GPR158: variants seen among roughly 807,000 people sequenced by gnomAD.
The protein encoded by GPR158 is metabotropic glycine receptor.
GPR158 carries 30 observed loss-of-function variants against 78.2 expected under a neutral mutation model. The observed-to-expected ratio is 0.38, with a 90% CI of 0.29 to 0.52. The LOEUF (loss-of-function observed/expected upper bound fraction) is 0.52. Among genes scored for constraint, GPR158 ranks in the 20% least tolerant of loss-of-function variants. The pLI is 0.83. For synonymous variants in GPR158, 581 were observed against 591.1 expected, an observed-to-expected ratio of 0.98 and a Z score of 0.25; for missense variants, 1,463 against 1,523.5, an observed-to-expected ratio of 0.96 and a Z score of 0.66.
chr10:25,456,735 T>C (rs1199051593), intron 4 of GPR158, among the ~76,000 whole-genome samples: 2 of 152,202 alleles, frequency 1.3e-5, no homozygotes, highest in African/African-American at 4.8e-5. Flanking sequence ...TGAAGTCTAT[T>C]GAACTTCTCT....
At chr10:25,200,268 T>C (rs1321179267) in intron 1 of GPR158, among the ~76,000 whole-genome samples, 1 of 152,210 alleles carries the variant, frequency 6.6e-6, no homozygotes, top group African/African-American at 2.4e-5. Context: ...TGATTAGCGA[T>C]GTTGAGCATT....
intron 3 of GPR158, among the ~76,000 whole-genome samples, chr10:25,404,812 C>G (rs891913193): frequency 2.6e-5 from 4 of 152,050 alleles, no homozygotes; most frequent in African/African-American, 9.7e-5. Flanking sequence ...AAGAAAATCA[C>G]AATGGCATGT....
intron 7 of GPR158, among the ~76,000 whole-genome samples, chr10:25,576,160 A>C (rs888055038): frequency 6.6e-6 from 1 of 152,032 alleles, no homozygotes; most frequent in Non-Finnish European, 1.5e-5. Context: ...CACCCAAGGG[A>C]GTGTACATTG....
At chr10:25,353,668 G>C (rs2130522837) in intron 2 of GPR158, among the ~76,000 whole-genome samples, 1 of 152,156 alleles carries the variant, frequency 6.6e-6, no homozygotes, top group South Asian at 2.1e-4. Flanking sequence ...TTAAAACAGT[G>C]ATTTACCAGT....
At chr10:25,195,447 C>G (rs1373540004) in intron 1 of GPR158, among the ~76,000 whole-genome samples, 2 of 152,140 alleles carry the variant, frequency 1.3e-5, no homozygotes, top group Non-Finnish European at 2.9e-5. Flanking sequence ...CTCAGGTGAT[C>G]CACCCACCTT....
chr10:25,177,243 T>G (rs1344529878), intron 1 of GPR158, among the ~76,000 whole-genome samples: 3 of 152,176 alleles, frequency 2.0e-5, no homozygotes, highest in Non-Finnish European at 4.4e-5. Context: ...GCCTGGGAAG[T>G]GCCTGACCTT....
intron 2 of GPR158, among the ~76,000 whole-genome samples, chr10:25,384,889 C>T (rs746204579): frequency 8.5e-5 from 13 of 152,072 alleles, no homozygotes; most frequent in Non-Finnish European, 1.6e-4. Context: ...GATTGCAATA[C>T]GACCTTTAAT....
intron 2 of GPR158, among the ~76,000 whole-genome samples, chr10:25,283,995 ATTC>A (rs1184149611): frequency 1.3e-5 from 2 of 152,056 alleles, no homozygotes; most frequent in Non-Finnish European, 2.9e-5. Flanking sequence ...TGTGGTATGT[ATTC>A]TTCTTAATTT....
At chr10:25,246,069 A>G (rs1357356362) in intron 2 of GPR158, among the ~76,000 whole-genome samples, 1 of 152,216 alleles carries the variant, frequency 6.6e-6, no homozygotes, top group Non-Finnish European at 1.5e-5. Flanking sequence ...CTAAATTGAT[A>G]TAAGTTTTGA....
At chr10:25,316,584 G>A (rs1008619337) in intron 2 of GPR158, among the ~76,000 whole-genome samples, 11 of 152,060 alleles carry the variant, frequency 7.2e-5, no homozygotes, top group Admixed American at 2.6e-4. Context: ...TTTTCATGTC[G>A]TGTTTGCTTT....
intron 5 of GPR158, among the ~76,000 whole-genome samples, chr10:25,472,006 CT>C (rs1835512926): frequency 6.6e-6 from 1 of 152,142 alleles, no homozygotes; most frequent in Non-Finnish European, 1.5e-5. Flanking sequence ...GTTGCCATTG[CT>C]TTTGGTGTTG....
chr10:25,366,781 T>C (rs1219582156), intron 2 of GPR158, among the ~76,000 whole-genome samples: 1 of 151,678 alleles, frequency 6.6e-6, no homozygotes, highest in Non-Finnish European at 1.5e-5. Flanking sequence ...CTTCTGTGAA[T>C]TTGACACTTT....
chr10:25,298,247 G>A (rs72792092), intron 2 of GPR158, among the ~76,000 whole-genome samples: 29,316 of 151,900 alleles, frequency 0.19, 5,133 homozygotes, highest in African/African-American at 0.47. Context: ...TCTTGTTTTC[G>A]TATTTTATTA....
intron 2 of GPR158, among the ~76,000 whole-genome samples, chr10:25,279,323 A>G (rs1160499707): frequency 6.6e-6 from 1 of 152,194 alleles, no homozygotes; most frequent in East Asian, 1.9e-4. Flanking sequence ...CATTTTTCAG[A>G]TAAGAAACCT....
At chr10:25,292,339 T>C (rs551422892) in intron 2 of GPR158, among the ~76,000 whole-genome samples, 1 of 152,248 alleles carries the variant, frequency 6.6e-6, no homozygotes, top group East Asian at 1.9e-4. Context: ...TTCTGTTTAC[T>C]TTAGACAGTC....
chr10:25,221,194 G>A lies in GPR158; in HGVS notation c.1008+37G>A, dbSNP rs41279902. ...AAAATAAAATCCTCTTTAAGCTCAG[G>A]AATACATTATTTTGAATATGTTATA... On this transcript the variant is annotated intron_variant, in intron 2 of 10. Transcript: ENST00000376351. 2.5e-3 allele frequency: 2,591 copies of A among 1,024,908 alleles called. 7 individuals are homozygous for A. The highest frequency in any genetic ancestry group is 3.0e-3 in the Non-Finnish European group (1,997 of 659,792). 63.5% of individuals were successfully genotyped at this position (1,024,908 alleles called of 1,614,324 possible). A position where few individuals can be genotyped will look rare whatever the true frequency, so the allele number is the denominator to read the frequency against.
At chr10:25,422,702 G>A (rs1361023461) in intron 4 of GPR158, among the ~76,000 whole-genome samples, 1 of 150,374 alleles carries the variant, frequency 6.7e-6, no homozygotes, top group African/African-American at 2.4e-5. Flanking sequence ...AATTTCTTGT[G>A]TTATTATTTT....
At position 25,354,168 on chromosome 10, in the gene GPR158, A is replaced by C. The variant is rs148645995; in HGVS notation, c.1009-41743A>C. Among the ~76,000 whole-genome samples, 852 of 152,124 alleles carry C rather than the reference A, an allele frequency of 5.6e-3. 8 individuals are homozygous for C. Among genetic ancestry groups the C allele is most frequent in the African/African-American group, 0.02 (814 of 41,550 alleles). ...CAGGAGTTCAACACCAGCCTGACCA[A>C]CATGGTGAAACACACTCTCTACTAA... On this transcript the variant is annotated intron_variant, in intron 2 of 10. Transcript: ENST00000376351.
intron 4 of GPR158, among the ~76,000 whole-genome samples, chr10:25,442,322 G>T (rs541845687): frequency 1.3e-5 from 2 of 152,214 alleles, no homozygotes; most frequent in African/African-American, 2.4e-5. Flanking sequence ...AAGCAAACAC[G>T]AGTGGCTCAC....
Sources: gnomAD v4.1 joint callset for allele counts (sites outside exome capture counted in the v4.1 genomes callset) on GRCh38, gnomAD v4.1.1 for gene constraint, MANE v1.5 for transcripts, NCBI Gene and HGNC (gene_info 2026-07-23, HGNC 2026-07-21) for gene names.